The following STXBP4 variants were observed in gnomAD, a reference collection of about 807,000 sequenced individuals.
The protein encoded by STXBP4 is syntaxin-binding protein 4.
In STXBP4, 55 loss-of-function variants were observed where a neutral mutation model predicts 76.1. That is an observed-to-expected ratio of 0.72 (90% CI 0.58 to 0.91). The LOEUF (loss-of-function observed/expected upper bound fraction) is 0.91, where lower values mean the gene tolerates loss of function less well. Among genes scored for constraint, STXBP4 ranks in the 40% least tolerant of loss-of-function variants. The pLI is 0.00. For missense variants in STXBP4, 618 were observed against 636.9 expected (o/e 0.97, Z 0.32); for synonymous variants, 201 against 220.2 (o/e 0.91, Z 0.77).
rs138763339 is a variant in STXBP4, at chr17:54,997,537, A to G, written c.181-1808A>G. Among the ~76,000 whole-genome samples, 535 of 142,018 alleles carry G rather than the reference A, an allele frequency of 3.8e-3. 4 individuals carry two copies. The highest frequency in any genetic ancestry group is 0.013 in the African/African-American group (518 of 39,494). 93.2% of individuals were successfully genotyped at this position (142,018 alleles called of 152,430 possible). A position where few individuals can be genotyped will look rare whatever the true frequency, so the allele number is the denominator to read the frequency against. On this transcript the variant is annotated intron_variant, in intron 4 of 17. Coordinates refer to ENST00000376352, the MANE Select transcript of STXBP4 (RefSeq NM_178509.6). ...ATTTTTTTTAAATTATATATATAACATAAATATATATAATATAAATATATA... is the reference window on the plus strand; with the variant it reads ...ATTTTTTTTAAATTATATATATAACGTAAATATATATAATATAAATATATA...
chr17:54,981,269 C>T (rs1481101649), intron 1 of STXBP4, among the ~76,000 whole-genome samples: 1 of 151,450 alleles, frequency 6.6e-6, no homozygotes, highest in Admixed American at 6.6e-5. Context: ...AAATAAACAA[C>T]CAAAAACAAC....
At chr17:55,006,084 T>C (rs1567714542) in intron 7 of STXBP4, among the ~76,000 whole-genome samples, 1 of 152,122 alleles carries the variant, frequency 6.6e-6, no homozygotes, top group South Asian at 2.1e-4. Flanking sequence ...TTAGGTATCA[T>C]GATTACAAAG....
intron 12 of STXBP4, among the ~76,000 whole-genome samples, chr17:55,051,142 T>C (rs2078853475): frequency 6.6e-6 from 1 of 152,086 alleles, no homozygotes; most frequent in Non-Finnish European, 1.5e-5. Flanking sequence ...CAGGAAAGAG[T>C]GACACTTCTC....
chr17:55,017,691 G>C (rs530901290), intron 8 of STXBP4, among the ~76,000 whole-genome samples: 1 of 152,110 alleles, frequency 6.6e-6, no homozygotes, highest in African/African-American at 2.4e-5. Flanking sequence ...GGCTAAAGCC[G>C]GGAGTTCGGG....
chr17:55,054,039 G>A (rs184688091), intron 12 of STXBP4, among the ~76,000 whole-genome samples: 5 of 152,186 alleles, frequency 3.3e-5, no homozygotes, highest in Admixed American at 2.6e-4. Flanking sequence ...AGGCCCTCCT[G>A]TATTTATTTC....
At chr17:55,081,614 A>G (rs1437453079) in intron 16 of STXBP4, among the ~76,000 whole-genome samples, 4 of 152,186 alleles carry the variant, frequency 2.6e-5, no homozygotes, top group South Asian at 2.1e-4. Flanking sequence ...AAGCAGAACC[A>G]TGGAAAAAAC....
chr17:55,080,309 G>A (rs1376798876), intron 15 of STXBP4, among the ~76,000 whole-genome samples: 8 of 151,976 alleles, frequency 5.3e-5, no homozygotes. Context: ...ATGGATATTG[G>A]CCCTGGTCAT....
intron 16 of STXBP4, among the ~76,000 whole-genome samples, chr17:55,140,889 T>G (rs1351862977): frequency 6.6e-6 from 1 of 152,194 alleles, no homozygotes; most frequent in African/African-American, 2.4e-5. Context: ...CACTCATGTC[T>G]GATTCCCTGT....
chr17:55,043,390 A>G (rs990795163), intron 11 of STXBP4, 65 bp downstream of exon 11: 2 of 991,472 alleles, frequency 2.0e-6, no homozygotes, highest in African/African-American at 3.4e-5. Flanking sequence ...AAAATCCTAT[A>G]TTGGATTCTG....
intron 16 of STXBP4, among the ~76,000 whole-genome samples, chr17:55,125,985 G>A (rs2079907288): frequency 6.6e-6 from 1 of 152,072 alleles, no homozygotes; most frequent in Non-Finnish European, 1.5e-5. Flanking sequence ...CAAATATAGG[G>A]CGCATTGCAA....
chr17:55,103,153 T>C (rs911145196), intron 16 of STXBP4, among the ~76,000 whole-genome samples: 2 of 152,224 alleles, frequency 1.3e-5, no homozygotes, highest in Non-Finnish European at 2.9e-5. Flanking sequence ...CATTTGTCAA[T>C]TTTGGCTTTT....
intron 16 of STXBP4, among the ~76,000 whole-genome samples, chr17:55,088,848 A>G (rs2079373657): frequency 6.6e-6 from 1 of 152,204 alleles, no homozygotes; most frequent in Non-Finnish European, 1.5e-5. Context: ...TATAAGGAAC[A>G]TGAATGCTTT....
chr17:55,038,145 T>C (rs992177838), intron 10 of STXBP4, among the ~76,000 whole-genome samples: 10 of 152,300 alleles, frequency 6.6e-5, no homozygotes, highest in African/African-American at 2.4e-4. Context: ...CTGATAATGA[T>C]GGCTTGTCTT....
In STXBP4 at chr17:55,047,108, A is replaced by G. The variant is rs748782370; in HGVS notation, c.965A>G (p.Asp322Gly). 6.2e-6 allele frequency: 10 copies of G among 1,607,304 alleles called. No homozygotes were observed. In the Admixed American group the frequency reaches 1.5e-4, roughly 24 times the overall value. Reference sequence around the variant, plus strand: ...ATATAGGAAAAATTATTGGAATCAGATAAGCAAAGGAAACAATTGACAGAA... The same window carrying G: ...ATATAGGAAAAATTATTGGAATCAGGTAAGCAAAGGAAACAATTGACAGAA... ...NTLKEKLLES[D>G]KQRKQLTEEL... Residue 322 changes from aspartate to glycine, a missense_variant, in exon 12 of 18, where the codon GAT becomes GGT. Coordinates refer to ENST00000376352, the MANE Select transcript of STXBP4 (RefSeq NM_178509.6).
intron 15 of STXBP4, among the ~76,000 whole-genome samples, chr17:55,079,302 A>G (rs762840126): frequency 6.6e-6 from 1 of 152,186 alleles, no homozygotes; most frequent in Non-Finnish European, 1.5e-5. Flanking sequence ...ATTTATTTCA[A>G]ACCACAAGTT....
chr17:55,077,686 CGTGTGTGTGTGTGTGT>C lies in STXBP4; in HGVS notation c.1189-363_1189-348del, dbSNP rs10690646. 3.8e-3 allele frequency among the ~76,000 whole-genome samples: 512 copies of C among 134,072 alleles called. 5 individuals are homozygous for C. Among genetic ancestry groups the C allele is most frequent in the African/African-American group, 0.013 (468 of 35,390 alleles). The allele number at this position is 134,072 out of a possible 152,430, so 88.0% of individuals were successfully genotyped here. On this transcript the variant is annotated intron_variant, in intron 13 of 17. Coordinates refer to ENST00000376352, the MANE Select transcript of STXBP4 (RefSeq NM_178509.6). ...CTTCCTTGCTAGCTTTGTCTTACAT[CGTGTGTGTGTGTGTGT>C]GTGTGTGTGTGTGTGTGTGTGTGTG...
rs75223555 is a variant in STXBP4, at chr17:55,082,767, A to G, written c.1489+1584A>G. On this transcript the variant is annotated intron_variant, in intron 16 of 17. Transcript: ENST00000376352. ...ATGAACCAACAACCAAGAATCACCT[A>G]ATAATGGTCCAGGGGGAGAAGAACT... is the stretch of plus-strand genomic sequence containing the variant. Among the ~76,000 whole-genome samples the G allele has an allele frequency of 1.2e-3, 186 of 152,202 alleles. 2 individuals carry two copies. In the East Asian group the frequency reaches 0.034, roughly 28 times the overall value.
the STXBP4 span, among the ~76,000 whole-genome samples, chr17:55,185,257 CCTTCTCCTTCTCCTTCTCCTT>C: frequency 1.9e-5 from 1 of 53,254 alleles, no homozygotes; most frequent in Non-Finnish European, 3.9e-5. Flanking sequence ...TTCTCCTTCT[CCTTCTCCTTCTCCTTCTCCTT>C]CTCCTTCTCC....
chr17:55,185,525 A>G, the STXBP4 span, among the ~76,000 whole-genome samples: 1 of 152,126 alleles, frequency 6.6e-6, no homozygotes, highest in Admixed American at 6.5e-5. Flanking sequence ...TTAATAAGGA[A>G]TCTCTGTGGA....
Sources: gnomAD v4.1 joint callset for allele counts (sites outside exome capture counted in the v4.1 genomes callset) on GRCh38, gnomAD v4.1.1 for gene constraint, MANE v1.5 for transcripts, NCBI Gene and HGNC (gene_info 2026-07-23, HGNC 2026-07-21) for gene names.